Variants in TNS3 observed in about 807,000 individuals in gnomAD.
TNS3 encodes the protein tensin-3.
Under a neutral mutation model 140.9 loss-of-function variants are expected in TNS3, and 45 were observed. The observed-to-expected ratio is 0.32, with a 90% CI of 0.25 to 0.41. TNS3 has a LOEUF of 0.41. Among genes scored for constraint, TNS3 ranks in the 10% least tolerant of loss-of-function variants. The probability of loss-of-function intolerance (pLI) is 1.00; values close to 1 mark genes in which losing one functional copy is unlikely to be tolerated. For synonymous variants in TNS3, 815 were observed against 788.4 expected (o/e 1.03, Z -0.56); for missense variants, 1,716 against 1,906.7 (o/e 0.90, Z 1.86).
At chr7:47,404,884 AAAAAAT>A (rs558636557) in intron 13 of TNS3, among the ~76,000 whole-genome samples, 20 of 152,098 alleles carry the variant, frequency 1.3e-4, no homozygotes, top group African/African-American at 3.1e-4. Flanking sequence ...ACTCAGTCTC[AAAAAAT>A]AAAAATAAAA....
intron 23 of TNS3, among the ~76,000 whole-genome samples, chr7:47,300,452 A>C (rs1307171464): frequency 1.3e-5 from 2 of 152,142 alleles, no homozygotes; most frequent in Non-Finnish European, 2.9e-5. Context: ...ACATCCACTT[A>C]TCCTGCATCT....
intron 8 of TNS3, among the ~76,000 whole-genome samples, chr7:47,429,048 C>T (rs1285513739): frequency 6.6e-6 from 1 of 152,202 alleles, no homozygotes; most frequent in East Asian, 1.9e-4. Flanking sequence ...CTAGAACATA[C>T]TCTTACAACC....
At chr7:47,517,022 C>G (rs1283909106) in intron 2 of TNS3, among the ~76,000 whole-genome samples, 1 of 152,188 alleles carries the variant, frequency 6.6e-6, no homozygotes, top group African/African-American at 2.4e-5. Context: ...AAGACCACAG[C>G]ACTGCACTCC....
intron 28 of TNS3, among the ~76,000 whole-genome samples, chr7:47,282,476 C>T (rs545998518): frequency 2.0e-5 from 3 of 150,408 alleles, no homozygotes; most frequent in Admixed American, 6.6e-5. Flanking sequence ...GAAACTGAGC[C>T]TTGCCTGTGA....
At chr7:47,457,409 G>T (rs146792780) in intron 4 of TNS3, among the ~76,000 whole-genome samples, 1 of 152,120 alleles carries the variant, frequency 6.6e-6, no homozygotes, top group Non-Finnish European at 1.5e-5. Flanking sequence ...CTAGGCCAGG[G>T]CCTACAGCTC....
At chr7:47,328,296 T>C (rs1012521020) in intron 20 of TNS3, among the ~76,000 whole-genome samples, 3 of 152,214 alleles carry the variant, frequency 2.0e-5, no homozygotes, top group Non-Finnish European at 4.4e-5. Flanking sequence ...GCCCAGTCAG[T>C]GCCTCCAGAC....
At chr7:47,547,635 A>C (rs956963296) in intron 1 of TNS3, among the ~76,000 whole-genome samples, 1 of 152,038 alleles carries the variant, frequency 6.6e-6, no homozygotes, top group Non-Finnish European at 1.5e-5. Context: ...TGAAGGTCTG[A>C]GGGACAGCAA....
intron 1 of TNS3, among the ~76,000 whole-genome samples, chr7:47,558,041 C>T (rs899007668): frequency 6.6e-6 from 1 of 152,186 alleles, no homozygotes; most frequent in African/African-American, 2.4e-5. Flanking sequence ...CACTCCCACC[C>T]CCACCAAGGA....
At chr7:47,334,106 A>G (rs1268303093) in intron 20 of TNS3, among the ~76,000 whole-genome samples, 1 of 152,058 alleles carries the variant, frequency 6.6e-6, no homozygotes, top group Non-Finnish European at 1.5e-5. Context: ...CACAGCACCA[A>G]CCAAACCCCT....
At chr7:47,406,585 C>T (rs573334384) in intron 13 of TNS3, among the ~76,000 whole-genome samples, 1 of 152,300 alleles carries the variant, frequency 6.6e-6, no homozygotes, top group South Asian at 2.1e-4. Context: ...ATGGCTACCC[C>T]GCCTGGGAAG....
chr7:47,458,111 A>C (rs1176478205), intron 4 of TNS3, among the ~76,000 whole-genome samples: 2 of 152,238 alleles, frequency 1.3e-5, no homozygotes, highest in African/African-American at 4.8e-5. Flanking sequence ...ACTACACAGA[A>C]ACATGGGTGA....
chr7:47,368,325 G>A lies in TNS3; in HGVS notation c.2281+40C>T, dbSNP rs114565792. ...TCATCACACATTAGCCTCCCGTGGAGCACCTCCCGTGGAGCACCTCCCATG... is the reference window on the plus strand; with the variant it reads ...TCATCACACATTAGCCTCCCGTGGAACACCTCCCGTGGAGCACCTCCCATG... On this transcript the variant is annotated intron_variant, in intron 17 of 30. Transcript: ENST00000311160. 1,434 of 1,437,052 alleles carry A rather than the reference G, an allele frequency of 1.0e-3. 3 individuals are homozygous for A. The highest frequency in any genetic ancestry group is 8.0e-3 in the African/African-American group (554 of 69,586). 89.0% of individuals were successfully genotyped at this position (1,437,052 alleles called of 1,614,324 possible). A position where few individuals can be genotyped will look rare whatever the true frequency, so the allele number is the denominator to read the frequency against.
intron 2 of TNS3, among the ~76,000 whole-genome samples, chr7:47,507,421 G>A (rs750074960): frequency 1.3e-5 from 2 of 152,204 alleles, no homozygotes; most frequent in Non-Finnish European, 2.9e-5. Context: ...GTCCATGAAA[G>A]ACCGGATGGG....
In TNS3 at chr7:47,376,756, A is replaced by ACACACACACACAC. The variant is rs1554305218; in HGVS notation, c.1025-7136_1025-7135insGTGTGTGTGTGTG. On this transcript the variant is annotated intron_variant, in intron 16 of 30. Coordinates refer to ENST00000311160, the MANE Select transcript of TNS3 (RefSeq NM_022748.12). ...ACACACACACACACACACACACACA[A>ACACACACACACAC]ACTCATATACACCTCACTCACTCTT... Among the ~76,000 whole-genome samples, 7 of 39,690 alleles carry ACACACACACACAC rather than the reference A, an allele frequency of 1.8e-4. No homozygotes were observed. In the East Asian group the frequency reaches 2.8e-3, roughly 16 times the overall value. 26.0% of individuals were successfully genotyped at this position (39,690 alleles called of 152,430 possible). A position where few individuals can be genotyped will look rare whatever the true frequency, so the allele number is the denominator to read the frequency against.
rs1158371887 is a variant in TNS3 at position 47,297,167 on chromosome 7, T to C, written c.3591A>G (p.Arg1197=). The part of the protein sequence containing the change: ...KDKEPGSFIV[R]DSHSFRGAYG... ...AGGCCCCTCGGAAGGAATGGCTGTC[T>C]CGAACAATGAATGAGCCCGGCTCCT... Residue 1197 remains arginine, a synonymous_variant, in exon 24 of 31, where the codon CGA becomes CGG. Coordinates refer to ENST00000311160, the MANE Select transcript of TNS3 (RefSeq NM_022748.12). 1.2e-6 allele frequency: 2 copies of C among 1,613,626 alleles called. No homozygotes were observed. The highest frequency in any genetic ancestry group is 1.1e-5 in the South Asian group (1 of 91,018).
intron 16 of TNS3, among the ~76,000 whole-genome samples, chr7:47,388,046 G>A (rs12537130): frequency 0.15 from 22,594 of 152,156 alleles, 2,082 homozygotes; most frequent in East Asian, 0.31. Context: ...AAGGTTCTAC[G>A]CACGGAAGAC....
chr7:47,506,892 C>T lies in TNS3; in HGVS notation c.-115+15G>A, dbSNP rs1308402060. On this transcript the variant is annotated intron_variant, in intron 3 of 30. Transcript: ENST00000311160. Reference sequence around the variant, plus strand: ...AGCTATAAAAAGTCCCATGGGAAAGCAACGGAATGCTTACCTTGGCTTCAC... The same window carrying T: ...AGCTATAAAAAGTCCCATGGGAAAGTAACGGAATGCTTACCTTGGCTTCAC... 2 of 1,288,700 alleles carry T rather than the reference C, an allele frequency of 1.6e-6. No individual in the cohort carries two copies. The highest frequency in any genetic ancestry group is 2.0e-6 in the Non-Finnish European group (2 of 988,428). 79.8% of individuals were successfully genotyped at this position (1,288,700 alleles called of 1,614,324 possible).
In TNS3 at chr7:47,304,846, C is replaced by T. The variant is rs1786651555; in HGVS notation, c.2808G>A (p.Gly936=). 1 of 1,386,606 alleles carries T rather than the reference C, an allele frequency of 7.2e-7. No homozygotes were observed. 85.9% of individuals were successfully genotyped at this position (1,386,606 alleles called of 1,614,324 possible). A position where few individuals can be genotyped will look rare whatever the true frequency, so the allele number is the denominator to read the frequency against. Residue 936 remains glycine (G), a synonymous_variant, in exon 21 of 31, where the codon GGG becomes GGA. Transcript: ENST00000311160. ...SSCTISSNGP[G]QRRESSSSAE... ...CATCTTCTTACCTCTCTCTCCTCTG[C>T]CCAGGGCCGTTGCTGGAAATGGTGC...
At chr7:47,540,236 A>G (rs958300923) in intron 1 of TNS3, among the ~76,000 whole-genome samples, 9 of 151,630 alleles carry the variant, frequency 5.9e-5, no homozygotes, top group Non-Finnish European at 8.8e-5. Context: ...GGAACAAAAC[A>G]AGGTTCTTCC....
Sources: allele counts gnomAD v4.1 joint callset (sites outside exome capture counted in the v4.1 genomes callset), GRCh38; gene constraint gnomAD v4.1.1; transcripts MANE v1.5; gene names NCBI Gene and HGNC (gene_info 2026-07-23, HGNC 2026-07-21).